Variants in MALAT1 observed in about 807,000 individuals in gnomAD.
The protein encoded by MALAT1 is hepcarcin.
exon 3 of MALAT1, chr11:65,499,044 T>A (rs111531665): frequency 4.6e-5 from 24 of 518,316 alleles, no homozygotes; most frequent in South Asian, 3.2e-4. Flanking sequence ...AGCTGTGCGG[T>A]AGGCATTGAG....
At chr11:65,502,426 G>GT (rs35843482) in exon 3 of MALAT1, 39,204 of 492,476 alleles carry the variant, frequency 0.08, 1,143 homozygotes, top group South Asian at 0.12. Flanking sequence ...GTGTAAGCAA[G>GT]TTTTTTTTTA....
chr11:65,502,866 A>G, exon 3 of MALAT1: 1 of 495,766 alleles, frequency 2.0e-6, no homozygotes, highest in Non-Finnish European at 4.0e-6. Context: ...AAAGTTACGG[A>G]ATCTACCATT....
intron 1 of MALAT1, chr11:65,498,240 A>G (rs757587780): frequency 7.7e-6 from 4 of 518,702 alleles, no homozygotes; most frequent in Admixed American, 5.8e-5. Flanking sequence ...TTAAAAGGCC[A>G]CTTGAACTCG....
intron 1 of MALAT1, chr11:65,497,937 G>A (rs767020126): frequency 3.9e-6 from 2 of 518,908 alleles, no homozygotes; most frequent in Non-Finnish European, 7.7e-6. Flanking sequence ...GAGTTGTGCT[G>A]CTATCTTAGC....
chr11:65,504,517 A>G, intron 3 of MALAT1: 1 of 518,888 alleles, frequency 1.9e-6, no homozygotes, highest in South Asian at 1.4e-5. Context: ...ATAAAGGCTG[A>G]GTGTTGAGGA....
exon 3 of MALAT1, chr11:65,499,079 G>GT (rs777901487): frequency 3.9e-6 from 2 of 518,346 alleles, no homozygotes; most frequent in Non-Finnish European, 7.7e-6. Flanking sequence ...GGCTTCTGCT[G>GT]AGGGGGCAGG....
At chr11:65,501,679 T>A in exon 3 of MALAT1, 1 of 519,036 alleles carries the variant, frequency 1.9e-6, no homozygotes, top group Non-Finnish European at 3.8e-6. Context: ...CTGGAGCTGC[T>A]TTTATCCTTG....
exon 3 of MALAT1, chr11:65,503,215 T>C: frequency 1.9e-6 from 1 of 513,706 alleles, no homozygotes; most frequent in Non-Finnish European, 3.9e-6. Context: ...GCATCTGCAG[T>C]ATTGCATGTT....
At chr11:65,500,510 C>T (rs1483078937) in exon 3 of MALAT1, 10 of 518,610 alleles carry the variant, frequency 1.9e-5, no homozygotes, top group Non-Finnish European at 3.5e-5. Flanking sequence ...AGCAGCAGTT[C>T]GTGGTGAAGA....
At chr11:65,497,763 TA>T (rs1565670228) in exon 1 of MALAT1, 1 of 445,006 alleles carries the variant, frequency 2.2e-6, no homozygotes, top group Non-Finnish European at 4.5e-6. Flanking sequence ...GAGACTTCTG[TA>T]AAGGACTGGG....
exon 3 of MALAT1, chr11:65,501,212 G>T (rs763975086): frequency 2.2e-6 from 1 of 454,256 alleles, no homozygotes; most frequent in African/African-American, 2.5e-5. Flanking sequence ...GAGGCGGGGG[G>T]GAGTTTTCAG....
exon 3 of MALAT1, chr11:65,501,700 C>G: frequency 1.9e-6 from 1 of 518,972 alleles, no homozygotes; most frequent in Non-Finnish European, 3.8e-6. Flanking sequence ...GAAGAGTATT[C>G]CCAGTTGAAG....
At chr11:65,498,696 C>T (rs371347864) in exon 2 of MALAT1, 28 of 518,412 alleles carry the variant, frequency 5.4e-5, no homozygotes, top group Admixed American at 3.5e-4. Context: ...TAAACTATAC[C>T]TACTGTCCCT....
rs773477843 is a variant in MALAT1, at chr11:65,503,434, C to T, written n.4697C>T. ...GCATCTTTAAATAATTTCTTAAAAG[C>T]CTCTAAAGTGATCAGTGCCTTGATG... On this transcript the variant is annotated non_coding_transcript_exon_variant, in exon 3 of 4. Transcript: ENST00000619449. 11 of 517,188 alleles carry T rather than the reference C, an allele frequency of 2.1e-5. 1 individual carries two copies. The highest frequency in any genetic ancestry group is 1.8e-4 in the Admixed American group (9 of 51,222). The allele number at this position is 517,188 out of a possible 1,614,324, so 32.0% of individuals were successfully genotyped here. A position where few individuals can be genotyped will look rare whatever the true frequency, so the allele number is the denominator to read the frequency against.
chr11:65,498,799 GTTTCT>G (rs770776456), intron 2 of MALAT1: 5 of 518,742 alleles, frequency 9.6e-6, no homozygotes, highest in Non-Finnish European at 1.9e-5. Flanking sequence ...TGATTTCCAT[GTTTCT>G]TTTGTCTAAA....
exon 3 of MALAT1, chr11:65,499,828 T>A (rs1215506888): frequency 2.4e-6 from 1 of 421,720 alleles, no homozygotes; most frequent in Non-Finnish European, 4.6e-6. Flanking sequence ...GGGCAAAATG[T>A]ACAAACTTAG....
rs760917173 is a variant in MALAT1 at position 65,498,559 on chromosome 11, C to A, written n.179-123C>A. 1.7e-5 allele frequency: 9 copies of A among 518,634 alleles called. No homozygotes were observed. The East Asian group carries it at 4.9e-4, about 28-fold the overall frequency. 32.1% of individuals were successfully genotyped at this position (518,634 alleles called of 1,614,324 possible). A position where few individuals can be genotyped will look rare whatever the true frequency, so the allele number is the denominator to read the frequency against. On this transcript the variant is annotated intron_variant and non_coding_transcript_variant, in intron 1 of 3. Coordinates refer to ENST00000619449, the Ensembl canonical transcript of MALAT1. ...GTCTTGGGAGCAAGTCGCAGGACTG[C>A]AAGCAGTTGGGGGAGAAAGTCCGCC...
intron 3 of MALAT1, chr11:65,505,585 G>A: frequency 1.9e-6 from 1 of 518,862 alleles, no homozygotes; most frequent in Non-Finnish European, 3.8e-6. Flanking sequence ...TTTTGATCTA[G>A]CACAGACCCT....
chr11:65,502,410 A>G (rs1194894278), exon 3 of MALAT1: 1 of 504,998 alleles, frequency 2.0e-6, no homozygotes, highest in African/African-American at 2.0e-5. Context: ...TTCTATTTTC[A>G]GTTGTGTGTA....
Sources: gnomAD v4.1 joint callset for allele counts on GRCh38, gnomAD v4.1.1 for gene constraint, MANE v1.5 for transcripts, NCBI Gene and HGNC (gene_info 2026-07-23, HGNC 2026-07-21) for gene names.